Variants in F13A1 observed in about 807,000 individuals in gnomAD.
The protein encoded by F13A1 is coagulation factor XIII A chain.
Under a neutral mutation model 80.1 loss-of-function variants are expected in F13A1, and 47 were observed. The observed-to-expected ratio is 0.59, with a 90% CI of 0.46 to 0.75. The LOEUF (loss-of-function observed/expected upper bound fraction) is 0.75, where lower values mean the gene tolerates loss of function less well. Ranked by LOEUF, F13A1 falls within the 30% of genes least tolerant of loss-of-function variation. The pLI is 0.00. For synonymous variants in F13A1, 349 were observed against 344.9 expected, an observed-to-expected ratio of 1.01 and a Z score of -0.13; for missense variants, 817 against 930.4, an observed-to-expected ratio of 0.88 and a Z score of 1.59.
chr6:6,232,117 T>C (rs1757361466), intron 6 of F13A1, among the ~76,000 whole-genome samples: 1 of 152,136 alleles, frequency 6.6e-6, no homozygotes, highest in Non-Finnish European at 1.5e-5. Flanking sequence ...TAACATTGAA[T>C]GTAAATGGCC....
At chr6:6,304,400 T>G (rs985039073) in intron 3 of F13A1, among the ~76,000 whole-genome samples, 1 of 152,172 alleles carries the variant, frequency 6.6e-6, no homozygotes, top group African/African-American at 2.4e-5. Context: ...TGTATTTCCT[T>G]GATAATCTTA....
chr6:6,258,390 G>A (rs1021293133), intron 4 of F13A1, among the ~76,000 whole-genome samples: 1 of 152,122 alleles, frequency 6.6e-6, no homozygotes, highest in Non-Finnish European at 1.5e-5. Flanking sequence ...AATGAGATAA[G>A]GATTACACCT....
intron 7 of F13A1, 27 bp downstream of exon 7, chr6:6,224,659 A>C: frequency 3.7e-6 from 6 of 1,608,594 alleles, no homozygotes; most frequent in Non-Finnish European, 5.1e-6. Context: ...TTTATATTAA[A>C]AAGAAATTAC....
At chr6:6,215,189 C>T (rs1422834307) in intron 8 of F13A1, among the ~76,000 whole-genome samples, 4 of 132,662 alleles carry the variant, frequency 3.0e-5, no homozygotes, top group African/African-American at 1.1e-4. Context: ...ATGAGGCCAG[C>T]ATCATCCTGA....
In F13A1 at chr6:6,250,419, A is replaced by C. The variant is rs1757614440; in HGVS notation, c.690+392T>G. ...TACCCTAGGCTAACACTTAAAAAAAAAAAAAAAGAAGCTATTTCTTTGAAT... is the reference window on the plus strand; with the variant it reads ...TACCCTAGGCTAACACTTAAAAAAACAAAAAAAGAAGCTATTTCTTTGAAT... On this transcript the variant is annotated intron_variant, in intron 5 of 14. Transcript: ENST00000264870. The surrounding 1 kb of genome is among the most constrained non-coding windows in gnomAD (Gnocchi z 4.2). 6.6e-6 allele frequency among the ~76,000 whole-genome samples: 1 copy of C among 152,126 alleles called. No homozygotes were observed. Among genetic ancestry groups the C allele is most frequent in the Non-Finnish European group, 1.5e-5 (1 of 68,030 alleles).
intron 1 of F13A1, among the ~76,000 whole-genome samples, 194 bp from the exon 2 acceptor site, chr6:6,318,876 A>C (rs546572875): frequency 1.3e-5 from 2 of 152,340 alleles, no homozygotes; most frequent in South Asian, 4.1e-4. Context: ...ACAGTTCCCC[A>C]AGGATCTTGG....
chr6:6,258,259 C>A (rs1237391455), intron 4 of F13A1, among the ~76,000 whole-genome samples: 2 of 152,140 alleles, frequency 1.3e-5, no homozygotes, highest in African/African-American at 4.8e-5. Flanking sequence ...ACAGAACCTG[C>A]TTTCTCTCTT....
intron 3 of F13A1, among the ~76,000 whole-genome samples, chr6:6,297,677 G>C (rs1758352399): frequency 6.7e-6 from 1 of 148,822 alleles, no homozygotes. Flanking sequence ...TATCAATTTT[G>C]TTGATCCTTT....
chr6:6,168,525 C>A (rs1042679191), intron 12 of F13A1, among the ~76,000 whole-genome samples: 1 of 152,180 alleles, frequency 6.6e-6, no homozygotes, highest in Admixed American at 6.5e-5. Context: ...CTGTATGTGC[C>A]GACAGCTGGC....
intron 12 of F13A1, among the ~76,000 whole-genome samples, chr6:6,172,215 A>G (rs1290873166): frequency 1.3e-5 from 2 of 152,144 alleles, no homozygotes; most frequent in African/African-American, 4.8e-5. Flanking sequence ...CAGAGTGCTT[A>G]AGTACCTTGC....
chr6:6,278,257 A>G (rs190636442), intron 3 of F13A1, among the ~76,000 whole-genome samples: 89 of 152,344 alleles, frequency 5.8e-4, no homozygotes, highest in African/African-American at 2.0e-3. Context: ...AAATAAATAC[A>G]TGATACGTCA....
chr6:6,223,017 G>C (rs1757221483), intron 7 of F13A1, among the ~76,000 whole-genome samples: 1 of 152,168 alleles, frequency 6.6e-6, no homozygotes, highest in Non-Finnish European at 1.5e-5. Context: ...TGTTCACCCA[G>C]GGTCTTATCA....
intron 6 of F13A1, among the ~76,000 whole-genome samples, chr6:6,242,038 T>C (rs964184410): frequency 6.6e-6 from 1 of 152,174 alleles, no homozygotes; most frequent in Non-Finnish European, 1.5e-5. Context: ...TTACTGTCTT[T>C]TTCATGCATG....
At chr6:6,305,012 C>T (rs6908989) in intron 3 of F13A1, 32 of 387,112 alleles carry the variant, frequency 8.3e-5, no homozygotes, top group African/African-American at 5.6e-4. Context: ...GATTTACAAA[C>T]ATTTTCAGCA....
intron 3 of F13A1, among the ~76,000 whole-genome samples, chr6:6,283,187 G>C (rs1561678468): frequency 6.6e-6 from 1 of 152,218 alleles, no homozygotes; most frequent in Non-Finnish European, 1.5e-5. Context: ...AACCCAAATG[G>C]AGGGGCATTC....
intron 13 of F13A1, among the ~76,000 whole-genome samples, chr6:6,161,524 A>ATGTGTGTGTG (rs143895728): frequency 0.047 from 6,293 of 133,096 alleles, 175 homozygotes; most frequent in Middle Eastern, 0.088. Flanking sequence ...CAGAGAGAGG[A>ATGTGTGTGTG]TGTGTGTGTG....
chr6:6,320,121 GGCTC>G (rs1324791427), intron 1 of F13A1, among the ~76,000 whole-genome samples: 5 of 152,122 alleles, frequency 3.3e-5, no homozygotes, highest in African/African-American at 1.2e-4. Context: ...GAGGAGAAGT[GGCTC>G]GAGTTCAGCT....
rs1437821117 is a variant in F13A1, at chr6:6,185,598, C to T, written c.1306-3457G>A. Among the ~76,000 whole-genome samples, 35 of 151,772 alleles carry T rather than the reference C, an allele frequency of 2.3e-4. 2 individuals carry two copies. The highest frequency in any genetic ancestry group is 8.2e-4 in the African/African-American group (34 of 41,334). On this transcript the variant is annotated intron_variant, in intron 10 of 14. Transcript: ENST00000264870. ...AGTATTCCATGGTGTATATGTGCCA[C>T]ATTTTCTTAATCCAGTCTATCATTG...
chr6:6,176,782 A>G (rs997700830), intron 11 of F13A1, among the ~76,000 whole-genome samples: 1 of 152,234 alleles, frequency 6.6e-6, no homozygotes, highest in African/African-American at 2.4e-5. Context: ...GCATTGAGGC[A>G]AAATGCAGGA....
Sources: allele counts gnomAD v4.1 joint callset (sites outside exome capture counted in the v4.1 genomes callset), GRCh38; gene constraint gnomAD v4.1.1; non-coding constraint Gnocchi (gnomAD v3.1); transcripts MANE v1.5; gene names NCBI Gene and HGNC (gene_info 2026-07-23, HGNC 2026-07-21).